PDCD6: variants seen among roughly 807,000 people sequenced by gnomAD.
PDCD6 encodes programmed cell death 6, also known as programmed cell death protein 6.
A neutral mutation model predicts 28.3 loss-of-function variants in PDCD6; 12 were observed. The ratio of observed to expected loss-of-function variants is 0.42; its 90% confidence interval spans 0.27 to 0.69. The LOEUF (loss-of-function observed/expected upper bound fraction) is 0.69, where lower values mean the gene tolerates loss of function less well. PDCD6 is among the 30% of genes least tolerant of loss of function. The pLI is 0.22. For synonymous variants in PDCD6, 92 were observed against 108.0 expected, an observed-to-expected ratio of 0.85 and a Z score of 0.92; for missense variants, 226 against 269.9, an observed-to-expected ratio of 0.84 and a Z score of 1.14.
intron 2 of PDCD6, among the ~76,000 whole-genome samples, chr5:292,661 T>G (rs1286467008): frequency 1.3e-5 from 2 of 152,184 alleles, no homozygotes; most frequent in African/African-American, 2.4e-5. Flanking sequence ...GTGCAGGATC[T>G]CCTCTCTGGT....
intron 2 of PDCD6, among the ~76,000 whole-genome samples, chr5:287,141 G>C (rs1739021189): frequency 6.6e-6 from 1 of 152,086 alleles, no homozygotes; most frequent in South Asian, 2.1e-4. Context: ...GGGTCTCAGA[G>C]CTGGAGCGCC....
chr5:293,078 T>G (rs1378658431), intron 2 of PDCD6, among the ~76,000 whole-genome samples: 2 of 152,134 alleles, frequency 1.3e-5, no homozygotes, highest in Non-Finnish European at 2.9e-5. Flanking sequence ...CTCTCCTACA[T>G]GGAAACCCCC....
chr5:271,886 C>T, intron 1 of PDCD6, 65 bp downstream of exon 1: 1 of 866,076 alleles, frequency 1.2e-6, no homozygotes, highest in Non-Finnish European at 1.6e-6. Context: ...CCTGTCCCGA[C>T]TCCCCCGACC....
rs199598820 is a variant in PDCD6 at position 290,640 on chromosome 5, T to TA, written c.164-13536dup. On this transcript the variant is annotated intron_variant, in intron 2 of 5. Coordinates refer to ENST00000264933, the MANE Select transcript of PDCD6 (RefSeq NM_013232.4). The stretch of plus-strand genomic sequence containing the variant: ...ACTATTAGTGGAGAAACTTAGAACT[T>TA]ACCATTTTTCCTGTGAGGTTTCGGC... 5.0e-3 allele frequency among the ~76,000 whole-genome samples: 766 copies of TA among 152,294 alleles called. 14 individuals carry two copies. The East Asian group carries it at 0.063, about 13-fold the overall frequency.
chr5:297,088 G>T (rs1389338465), intron 2 of PDCD6, among the ~76,000 whole-genome samples: 2 of 152,194 alleles, frequency 1.3e-5, no homozygotes, highest in Non-Finnish European at 2.9e-5. Context: ...CCGGGCAGTC[G>T]CAGGCCTCCC....
At chr5:279,234 C>T (rs1482129781) in intron 2 of PDCD6, among the ~76,000 whole-genome samples, 1 of 152,098 alleles carries the variant, frequency 6.6e-6, no homozygotes, top group Non-Finnish European at 1.5e-5. Flanking sequence ...GCATCCTTGC[C>T]AGGGCCGGAG....
chr5:307,240 T>C lies in PDCD6; in HGVS notation c.367+480T>C, dbSNP rs529247022. Among the ~76,000 whole-genome samples the C allele has an allele frequency of 9.6e-4, 127 of 132,218 alleles. No individual in the cohort carries two copies. Among genetic ancestry groups the C allele is most frequent in the Non-Finnish European group, 1.1e-3 (73 of 63,658 alleles). 86.7% of individuals were successfully genotyped at this position (132,218 alleles called of 152,430 possible). On this transcript the variant is annotated intron_variant, in intron 4 of 5. Transcript: ENST00000264933. This position sits in a 1 kb window ranked among gnomAD's most constrained non-coding sequence, Gnocchi z 6.1. The stretch of plus-strand genomic sequence containing the variant: ...TCAGGTGTGCTCGGCGTGTGTGTGC[T>C]CGGCGTGTGTGTGCTCGGCGTGTGT...
At chr5:287,437 T>C (rs1256961387) in intron 2 of PDCD6, among the ~76,000 whole-genome samples, 4 of 147,750 alleles carry the variant, frequency 2.7e-5, no homozygotes, top group Non-Finnish European at 1.5e-5. Context: ...CCTTTTTCTC[T>C]TACACAGTTT....
chr5:306,556 T>G, intron 3 of PDCD6, 46 bp from the exon 4 acceptor site: 1 of 1,604,514 alleles, frequency 6.2e-7, no homozygotes, highest in Non-Finnish European at 8.5e-7. Context: ...CAAGTGAGTT[T>G]GCTGCAACTG....
intron 2 of PDCD6, among the ~76,000 whole-genome samples, chr5:295,140 G>A (rs1739528478): frequency 6.6e-6 from 1 of 152,140 alleles, no homozygotes; most frequent in Non-Finnish European, 1.5e-5. Context: ...ACTGAAGGAG[G>A]AAGGCTGCCA....
intron 2 of PDCD6, among the ~76,000 whole-genome samples, chr5:288,292 TTATA>T (rs1554006388): frequency 5.6e-5 from 6 of 107,106 alleles, no homozygotes; most frequent in Admixed American, 4.1e-4. Flanking sequence ...AATATATATA[TTATA>T]TATATATATA....
intron 2 of PDCD6, among the ~76,000 whole-genome samples, chr5:301,140 C>T (rs1740022054): frequency 6.6e-6 from 1 of 152,232 alleles, no homozygotes; most frequent in South Asian, 2.1e-4. Flanking sequence ...GGACTTAGGT[C>T]TCATCCAGCT....
intron 2 of PDCD6, chr5:289,838 G>T (rs1008848159): frequency 2.9e-5 from 43 of 1,459,280 alleles, no homozygotes; most frequent in African/African-American, 1.3e-4. Context: ...GACCTCTCAG[G>T]ATAGCTTGGT....
In PDCD6 at chr5:311,176, C is replaced by A. The variant is rs1354004413; in HGVS notation, c.368-117C>A. On this transcript the variant is annotated intron_variant, in intron 4 of 5. Transcript: ENST00000264933. ...TTGAGGGAATTTGCACTTCCGTTCC[C>A]ACACAGCCTTGCATTGTGTGTGTTA... The A allele has an allele frequency of 2.6e-5, 20 of 759,962 alleles. No individual in the cohort carries two copies. The Admixed American group carries it at 4.5e-4, about 17-fold the overall frequency. 47.1% of individuals were successfully genotyped at this position (759,962 alleles called of 1,614,324 possible). A position where few individuals can be genotyped will look rare whatever the true frequency, so the allele number is the denominator to read the frequency against.
chr5:295,364 T>C (rs1401462603), intron 2 of PDCD6, among the ~76,000 whole-genome samples: 1 of 152,108 alleles, frequency 6.6e-6, no homozygotes, highest in African/African-American at 2.4e-5. Context: ...AGTACCTGGC[T>C]ATAGGAAATA....
At chr5:274,177 G>A (rs2864970) in intron 2 of PDCD6, among the ~76,000 whole-genome samples, 14 of 152,328 alleles carry the variant, frequency 9.2e-5, no homozygotes, top group African/African-American at 3.1e-4. Context: ...CAAGCCACAC[G>A]GAGTGCCCTC....
In PDCD6 at chr5:271,837, GCCCGGGCACCT is replaced by G; in HGVS notation, c.101+21_101+31del. On this transcript the variant is annotated intron_variant, in intron 1 of 5. Coordinates refer to ENST00000264933, the MANE Select transcript of PDCD6 (RefSeq NM_013232.4). ...TTTTCCAGAGGTGCGGCCTGGCACC[GCCCGGGCACCT>G]CCCGCCTCCGCCGCGGCGGCCCCGA... The G allele has an allele frequency of 7.4e-7, 1 of 1,346,232 alleles. No individual in the cohort carries two copies. The allele number at this position is 1,346,232 out of a possible 1,614,324, so 83.4% of individuals were successfully genotyped here.
rs368630562 is a variant in PDCD6 at position 285,638 on chromosome 5, T to A, written c.163+12866T>A. The stretch of plus-strand genomic sequence containing the variant: ...GGGATCTGATGTTCCAGTTTCAGGT[T>A]GGTGCAGCTGGCGACCCGGGTGGGA... On this transcript the variant is annotated intron_variant, in intron 2 of 5. Transcript: ENST00000264933. Among the ~76,000 whole-genome samples, 3 of 140,198 alleles carry A rather than the reference T, an allele frequency of 2.1e-5. No homozygotes were observed. In the East Asian group the frequency reaches 6.7e-4, roughly 31 times the overall value. The allele number at this position is 140,198 out of a possible 152,430, so 92.0% of individuals were successfully genotyped here.
At chr5:291,451 A>G (rs1358646104) in intron 2 of PDCD6, among the ~76,000 whole-genome samples, 2 of 145,994 alleles carry the variant, frequency 1.4e-5, no homozygotes, top group Non-Finnish European at 3.0e-5. Flanking sequence ...CCTGAGACCC[A>G]CCCACACTGA....
Sources: allele counts gnomAD v4.1 joint callset (sites outside exome capture counted in the v4.1 genomes callset), GRCh38; gene constraint gnomAD v4.1.1; non-coding constraint Gnocchi (gnomAD v3.1); transcripts MANE v1.5; gene names NCBI Gene and HGNC (gene_info 2026-07-23, HGNC 2026-07-21).